The following BLTP2 variants were observed in gnomAD, a reference collection of about 807,000 sequenced individuals.
BLTP2 encodes the protein bridge-like lipid transfer protein family member 2, also known as U937-associated antigen.
the BLTP2 span, among the ~76,000 whole-genome samples, chr17:28,627,000 G>T: frequency 6.6e-6 from 1 of 152,196 alleles, no homozygotes; most frequent in Non-Finnish European, 1.5e-5. Flanking sequence ...TAGAGACTGA[G>T]TCGTCAACCT....
the BLTP2 span, chr17:28,618,690 A>G: frequency 1.8e-5 from 16 of 898,364 alleles, no homozygotes; most frequent in Admixed American, 3.3e-4. Context: ...TAATCATACA[A>G]TAATTAACCC....
chr17:28,633,336 A>G, the BLTP2 span: 1 of 1,614,084 alleles, frequency 6.2e-7, no homozygotes, highest in South Asian at 1.1e-5. Flanking sequence ...CAAACTGACC[A>G]GGTTTCCAAT....
chr17:28,625,334 C>CAAAAAAAAAAAAAAA, the BLTP2 span, among the ~76,000 whole-genome samples: 1 of 29,062 alleles, frequency 3.4e-5, no homozygotes, highest in African/African-American at 1.2e-4. Flanking sequence ...GACTCCGTCT[C>CAAAAAAAAAAAAAAA]AAAAAAAAAA....
the BLTP2 span, chr17:28,628,258 A>G: frequency 1.9e-6 from 3 of 1,612,696 alleles, no homozygotes; most frequent in Non-Finnish European, 2.5e-6. Context: ...CATCTCCCCG[A>G]GCTTACCTCC....
At chr17:28,640,677 G>C in the BLTP2 span, 1 of 1,613,964 alleles carries the variant, frequency 6.2e-7, no homozygotes, top group Non-Finnish European at 8.5e-7. Context: ...TAAGTTTTCT[G>C]TCACCTCTGA....
the BLTP2 span, chr17:28,617,182 C>G: frequency 6.8e-7 from 1 of 1,473,530 alleles, no homozygotes; most frequent in Non-Finnish European, 9.5e-7. Context: ...TTATAAATGC[C>G]CCGTGCTAAA....
the BLTP2 span, chr17:28,635,774 A>G: frequency 3.0e-6 from 2 of 659,102 alleles, no homozygotes; most frequent in African/African-American, 3.6e-5. Context: ...TGTTAGCACT[A>G]ATGTGCTGAG....
At chr17:28,622,570 A>G in the BLTP2 span, among the ~76,000 whole-genome samples, 18 of 152,246 alleles carry the variant, frequency 1.2e-4, no homozygotes, top group Non-Finnish European at 1.8e-4. Flanking sequence ...CACCTGTTAA[A>G]TAAGTAATAA....
chr17:28,615,812 G>C, the BLTP2 span: 7 of 1,612,544 alleles, frequency 4.3e-6, no homozygotes, highest in African/African-American at 5.3e-5. Context: ...TAAGAGGAGG[G>C]GGAGGGGAAA....
the BLTP2 span, chr17:28,635,733 A>C: frequency 1.1e-6 from 1 of 937,364 alleles, no homozygotes; most frequent in East Asian, 2.6e-5. Flanking sequence ...GTTCCTGAGT[A>C]ATCACATTAA....
At chr17:28,644,320 G>A in the BLTP2 span, 1 of 948,050 alleles carries the variant, frequency 1.1e-6, no homozygotes, top group Non-Finnish European at 1.6e-6. Flanking sequence ...TTCTTCCAAA[G>A]CACCACTCTG....
the BLTP2 span, chr17:28,633,294 T>A: frequency 6.2e-7 from 1 of 1,613,422 alleles, no homozygotes; most frequent in Non-Finnish European, 8.5e-7. Flanking sequence ...TAGAGGCTGT[T>A]CTCACGTTGA....
At chr17:28,625,334 C>CAAAAAAAAAAAAA in the BLTP2 span, among the ~76,000 whole-genome samples, 9 of 29,022 alleles carry the variant, frequency 3.1e-4, no homozygotes, top group African/African-American at 1.1e-3. Flanking sequence ...GACTCCGTCT[C>CAAAAAAAAAAAAA]AAAAAAAAAA....
At chr17:28,638,000 T>C in the BLTP2 span, 1 of 1,614,202 alleles carries the variant, frequency 6.2e-7, no homozygotes, top group Non-Finnish European at 8.5e-7. Context: ...GGCACAGGTA[T>C]CTGATGCTTC....
chr17:28,619,865 T>C, the BLTP2 span: 5 of 1,613,958 alleles, frequency 3.1e-6, no homozygotes, highest in South Asian at 1.1e-5. Context: ...ACTACCTTCA[T>C]GATAGAATAC....
the BLTP2 span, chr17:28,643,059 G>A: frequency 6.5e-7 from 1 of 1,528,084 alleles, no homozygotes. Flanking sequence ...ATGAGAAAGA[G>A]GGGCAGCTCT....
the BLTP2 span, chr17:28,615,876 C>T: frequency 6.7e-7 from 1 of 1,494,044 alleles, no homozygotes. Context: ...CCCAGCCAGC[C>T]ACTTGAGTGC....
the BLTP2 span, chr17:28,635,715 CAGA>C: frequency 8.3e-7 from 1 of 1,200,466 alleles, no homozygotes; most frequent in South Asian, 1.6e-5. Flanking sequence ...CATCTCCACC[CAGA>C]AGTTGTTCCT....
the BLTP2 span, among the ~76,000 whole-genome samples, chr17:28,623,088 C>CA: frequency 1.9e-4 from 29 of 151,132 alleles, no homozygotes; most frequent in African/African-American, 6.6e-4. Context: ...AACAAACAAA[C>CA]AAAAAAAACA....
Sources: gnomAD v4.1 joint callset for allele counts (sites outside exome capture counted in the v4.1 genomes callset) on GRCh38, gnomAD v4.1.1 for gene constraint, MANE v1.5 for transcripts, NCBI Gene and HGNC (gene_info 2026-07-23, HGNC 2026-07-21) for gene names.